QRICH2: variants seen among roughly 807,000 people sequenced by gnomAD.
QRICH2 encodes glutamine rich 2.
In QRICH2, 119 loss-of-function variants were observed where a neutral mutation model predicts 168.3. The observed-to-expected ratio is 0.71, with a 90% CI of 0.61 to 0.82. The LOEUF is 0.82. QRICH2 is among the 40% of genes least tolerant of loss of function. QRICH2 has a pLI of 0.00. For missense variants in QRICH2, 2,241 were observed against 2,491.6 expected, an observed-to-expected ratio of 0.90 and a Z score of 2.14; for synonymous variants, 894 against 951.2, an observed-to-expected ratio of 0.94 and a Z score of 1.11.
At chr17:76,275,271 G>A (rs1159300855) in intron 18 of QRICH2, among the ~76,000 whole-genome samples, 1 of 152,200 alleles carries the variant, frequency 6.6e-6, no homozygotes, top group East Asian at 1.9e-4. Context: ...CTGGAGAGGG[G>A]AGAGCCCTTG....
In QRICH2 at chr17:76,277,148, A is replaced by T; in HGVS notation, c.5265+15T>A. 5.8e-6 allele frequency: 9 copies of T among 1,543,086 alleles called. No individual in the cohort carries two copies. The highest frequency in any genetic ancestry group is 7.8e-6 in the Non-Finnish European group (9 of 1,151,632). ...CAGGGCCTCCCTCCCTGGTGGCTCCAGGCAGGGCCCTGACCTTCATGGCAA... is the reference window on the plus strand; with the variant it reads ...CAGGGCCTCCCTCCCTGGTGGCTCCTGGCAGGGCCCTGACCTTCATGGCAA... On this transcript the variant is annotated intron_variant, in intron 16 of 18. Transcript: ENST00000680821.
At chr17:76,288,654 G>A (rs567891843) in intron 5 of QRICH2, among the ~76,000 whole-genome samples, 7 of 151,970 alleles carry the variant, frequency 4.6e-5, no homozygotes, top group South Asian at 2.1e-4. Flanking sequence ...GCAGTGAGCC[G>A]AGATCGCATC....
chr17:76,286,009 A>G (rs995079599), intron 7 of QRICH2, among the ~76,000 whole-genome samples: 5 of 151,814 alleles, frequency 3.3e-5, no homozygotes, highest in African/African-American at 1.2e-4. Flanking sequence ...CGTCTCTGCT[A>G]AAAATATTTT....
At position 76,275,953 on chromosome 17, in the gene QRICH2, G is replaced by C. The variant is rs902672396; in HGVS notation, c.5354-6C>G. 2.4e-5 allele frequency: 39 copies of C among 1,606,260 alleles called. No homozygotes were observed. The highest frequency in any genetic ancestry group is 3.0e-5 in the Non-Finnish European group (35 of 1,179,828). On this transcript the variant is annotated splice_region_variant and splice_polypyrimidine_tract_variant and intron_variant, in intron 17 of 18. Transcript: ENST00000680821. ...GCGCTTTGAGGTCCCTGAGCCTGAT[G>C]GGGGACAGGAGGGAAGGGTCAGTGC...
At chr17:76,282,245 T>C in intron 7 of QRICH2, 130 bp from the exon 8 acceptor site, 1 of 1,122,554 alleles carries the variant, frequency 8.9e-7, no homozygotes, top group Non-Finnish European at 1.2e-6. Flanking sequence ...GCATCCTCAG[T>C]GCCTCCCAGA....
rs960252954 is a variant in QRICH2, at chr17:76,277,271, G to A, written c.5157C>T (p.Pro1719=). ...DMADYTYSTV[P]RRCGGSHTLT... is the part of the protein sequence containing the mutation. ...GGGTGTGGCTGCCCCCGCAGCGCCG[G>A]GGCACAGTTGAGTAGGTGTAATCAG... The change falls in exon 16 of 19, where the codon CCC becomes CCT. Residue 1719 remains proline (P), a synonymous_variant. Transcript: ENST00000680821. 2 of 1,603,978 alleles carry A rather than the reference G, an allele frequency of 1.2e-6. No homozygotes were observed. Among genetic ancestry groups the A allele is most frequent in the Admixed American group, 3.5e-5 (2 of 56,508 alleles).
At chr17:76,302,212 T>C (rs1370301003) in intron 3 of QRICH2, among the ~76,000 whole-genome samples, 1 of 152,014 alleles carries the variant, frequency 6.6e-6, no homozygotes, top group East Asian at 1.9e-4. Flanking sequence ...TCATTATTTA[T>C]AATTCCTGTC....
intron 5 of QRICH2, among the ~76,000 whole-genome samples, chr17:76,288,512 C>G (rs1188071685): frequency 1.3e-5 from 2 of 151,024 alleles, no homozygotes; most frequent in Non-Finnish European, 2.9e-5. Context: ...CCAGACAAGC[C>G]TGACCAACAT....
rs141454935 is a variant in QRICH2, at chr17:76,292,698, G to A, written c.2029C>T (p.Gln677Ter). The A allele has an allele frequency of 1.9e-6, 3 of 1,613,662 alleles. No individual in the cohort carries two copies. The African/African-American group carries it at 4.0e-5, about 22-fold the overall frequency. The change falls in exon 4 of 19, where the codon CAG (glutamine) becomes TAG (stop). Residue 677 changes from glutamine (Q) to a stop codon, truncating the protein, a stop_gained. Transcript: ENST00000680821. LOFTEE classifies it high-confidence loss of function. ...QPGMVQPGRF[Q>*]RALVQPGAYQ... Reference sequence around the variant, plus strand: ...GCACCAGGCTGCACCAAAGCACGCTGAAATCTGCCAGGTTGGACCATGCCA... The same window carrying A: ...GCACCAGGCTGCACCAAAGCACGCTAAAATCTGCCAGGTTGGACCATGCCA...
At chr17:76,301,524 C>G in intron 3 of QRICH2, 1 of 174,902 alleles carries the variant, frequency 5.7e-6, no homozygotes, top group Non-Finnish European at 1.3e-5. Context: ...GCCGAGATCA[C>G]ACCACTGCAC....
At position 76,307,301 on chromosome 17, in the gene QRICH2, C is replaced by A. The variant is rs1274687788; in HGVS notation, c.534+164G>T. The stretch of plus-strand genomic sequence containing the variant: ...CGTGGACTGCAAGGTAGAGCATGGG[C>A]CACTCTATTTAGCCAGTCGCACTGA... On this transcript the variant is annotated intron_variant, in intron 1 of 18. Transcript: ENST00000680821. The surrounding 1 kb of genome is among the most constrained non-coding windows in gnomAD (Gnocchi z 5.3). Among the ~76,000 whole-genome samples the A allele has an allele frequency of 1.3e-5, 2 of 152,068 alleles. No individual in the cohort carries two copies. The highest frequency in any genetic ancestry group is 4.8e-5 in the African/African-American group (2 of 41,412).
intron 13 of QRICH2, 74 bp downstream of exon 13, chr17:76,279,289 C>G (rs991014871): frequency 1.4e-6 from 2 of 1,382,292 alleles, no homozygotes; most frequent in African/African-American, 2.8e-5. Context: ...AGGGAGAGGA[C>G]AGGTGGACAC....
intron 3 of QRICH2, among the ~76,000 whole-genome samples, chr17:76,297,639 CAACT>C (rs756363479): frequency 1.2e-4 from 19 of 152,248 alleles, no homozygotes; most frequent in East Asian, 5.8e-4. Context: ...ATAACTCAAC[CAACT>C]GAGACCAACT....
In QRICH2 at chr17:76,277,264, A is replaced by C. The variant is rs1263073131; in HGVS notation, c.5164T>G (p.Cys1722Gly). Reference sequence around the variant, plus strand: ...TAGGTGAGGGTGTGGCTGCCCCCGCAGCGCCGGGGCACAGTTGAGTAGGTG... The same window carrying C: ...TAGGTGAGGGTGTGGCTGCCCCCGCCGCGCCGGGGCACAGTTGAGTAGGTG... ...DYTYSTVPRRCGGSHTLTYPY... is the reference protein window; with the variant it reads ...DYTYSTVPRRGGGSHTLTYPY... The change falls in exon 16 of 19, where the codon TGC (cysteine) becomes GGC (glycine). Residue 1722 changes from cysteine (C) to glycine (G), a missense_variant. Physicochemically the swap from Cys to Gly is radical, Grantham distance 159. Transcript: ENST00000680821. 17 of 1,601,084 alleles carry C rather than the reference A, an allele frequency of 1.1e-5. No individual in the cohort carries two copies. Among genetic ancestry groups the C allele is most frequent in the Non-Finnish European group, 1.4e-5 (17 of 1,176,270 alleles).
chr17:76,305,001 G>A, intron 1 of QRICH2, 60 bp from the exon 2 acceptor site: 11 of 1,078,840 alleles, frequency 1.0e-5, no homozygotes, highest in East Asian at 2.4e-5. Context: ...ACACTCACAT[G>A]CACACACACA....
At position 76,291,462 on chromosome 17, in the gene QRICH2, C is replaced by G. The variant is rs774864742; in HGVS notation, c.3265G>C (p.Val1089Leu). The part of the protein sequence containing the change: ...ASPGPGEHDQ[V>L]YPDAAQHGHA... ...CCATGCTGAGCTGCATCTGGGTATA[C>G]CTGGTCATGCTCACCTGGGCCAGGT... Residue 1089 changes from valine to leucine, a missense_variant, in exon 4 of 19, where the codon GTA (valine) becomes CTA (leucine). Coordinates refer to ENST00000680821, the MANE Select transcript of QRICH2 (RefSeq NM_001388453.1). 1.9e-6 allele frequency: 3 copies of G among 1,613,994 alleles called. No homozygotes were observed. The highest frequency in any genetic ancestry group is 1.7e-5 in the Admixed American group (1 of 59,992).
In QRICH2 at chr17:76,291,068, T is replaced by G; in HGVS notation, c.3659A>C (p.Glu1220Ala). The G allele has an allele frequency of 6.2e-7, 1 of 1,614,128 alleles. No homozygotes were observed. The highest frequency in any genetic ancestry group is 8.5e-7 in the Non-Finnish European group (1 of 1,180,008). Residue 1220 changes from glutamate (E) to alanine (A), a missense_variant, in exon 4 of 19, where the codon GAG (glutamate) becomes GCG (alanine). Around this residue, in one of 3 missense-constraint regions of QRICH2, gnomAD observed 2,047 missense variants for 2,303.8 expected, o/e 0.89. Coordinates refer to ENST00000680821, the MANE Select transcript of QRICH2 (RefSeq NM_001388453.1). ...CTCCAAGTCGGTTTGGCCGGCCTGC[T>G]CCTCATCCAGATCCTTCATACTCTC... ...LKESMKDLDE[E>A]QAGQTDLEKI...
chr17:76,300,501 G>A (rs900848204), intron 3 of QRICH2, among the ~76,000 whole-genome samples: 2 of 152,086 alleles, frequency 1.3e-5, no homozygotes, highest in Non-Finnish European at 2.9e-5. Context: ...TGACCTGCCT[G>A]CATGGTTGGT....
At chr17:76,294,063 T>C (rs2071065057) in intron 3 of QRICH2, 42 bp from the exon 4 acceptor site, 2 of 1,548,666 alleles carry the variant, frequency 1.3e-6, no homozygotes, top group South Asian at 1.2e-5. Context: ...AGTCAAAATA[T>C]TCACTATCAG....
Sources: allele counts gnomAD v4.1 joint callset (sites outside exome capture counted in the v4.1 genomes callset), GRCh38; gene constraint gnomAD v4.1.1; regional missense constraint gnomAD v4.1.1; non-coding constraint Gnocchi (gnomAD v3.1); transcripts MANE v1.5; gene names NCBI Gene and HGNC (gene_info 2026-07-23, HGNC 2026-07-21).